COL25A1: variants seen among roughly 807,000 people sequenced by gnomAD.
COL25A1 encodes collagen alpha-1(XXV) chain.
In COL25A1, 103 loss-of-function variants were observed where a neutral mutation model predicts 128.4. The ratio of observed to expected loss-of-function variants is 0.80; its 90% CI spans 0.68 to 0.94. The LOEUF (loss-of-function observed/expected upper bound fraction) is 0.94, where lower values mean the gene tolerates loss of function less well. Among genes scored for constraint, COL25A1 ranks in the 40% least tolerant of loss-of-function variants. The pLI, the probability that COL25A1 is intolerant of heterozygous loss-of-function variation, is 0.00. For missense variants in COL25A1, 745 were observed against 840.0 expected, an observed-to-expected ratio of 0.89 and a Z score of 1.40; for synonymous variants, 279 against 277.2, an observed-to-expected ratio of 1.01 and a Z score of -0.06.
intron 5 of COL25A1, among the ~76,000 whole-genome samples, chr4:109,013,682 C>T (rs768840278): frequency 5.9e-5 from 9 of 151,660 alleles, no homozygotes; most frequent in South Asian, 2.1e-4. Flanking sequence ...CCAGACGCGC[C>T]ACCTTAAGAG....
At position 108,896,551 on chromosome 4, in the gene COL25A1, T is replaced by C. The variant is rs1742173555; in HGVS notation, c.906+116A>G. 19 of 795,908 alleles carry C rather than the reference T, an allele frequency of 2.4e-5. No homozygotes were observed. In the South Asian group the frequency reaches 2.8e-4, roughly 12 times the overall value. The allele number at this position is 795,908 out of a possible 1,614,324, so 49.3% of individuals were successfully genotyped here. On this transcript the variant is annotated intron_variant, in intron 16 of 37. Coordinates refer to ENST00000399132, the MANE Select transcript of COL25A1 (RefSeq NM_198721.4). ...TTTTCTAATCTTGGAGAATGATCTCTGACCTTTTCATATTAAGCAACTCTC... is the reference window on the plus strand; with the variant it reads ...TTTTCTAATCTTGGAGAATGATCTCCGACCTTTTCATATTAAGCAACTCTC...
intron 8 of COL25A1, among the ~76,000 whole-genome samples, chr4:108,948,967 C>T (rs765734311): frequency 1.3e-5 from 2 of 152,098 alleles, no homozygotes; most frequent in Non-Finnish European, 2.9e-5. Context: ...TAGGGGATTC[C>T]AGGCCTTGTT....
intron 6 of COL25A1, among the ~76,000 whole-genome samples, chr4:108,988,411 A>T (rs890341461): frequency 2.0e-5 from 3 of 152,240 alleles, no homozygotes; most frequent in African/African-American, 7.2e-5. Flanking sequence ...ATGAGTGCTT[A>T]TGAGGATAGA....
rs1753834213 is a variant in COL25A1 at position 108,988,218 on chromosome 4, C to T, written c.439-13659G>A. On this transcript the variant is annotated intron_variant, in intron 6 of 37. Coordinates refer to ENST00000399132, the MANE Select transcript of COL25A1 (RefSeq NM_198721.4). ...GCAGGTTTTTCTGTAAATATTACTT[C>T]CACTCCCTTTCTCTCAAATGTGTAG... 2.0e-5 allele frequency among the ~76,000 whole-genome samples: 3 copies of T among 152,196 alleles called. No homozygotes were observed. In the South Asian group the frequency reaches 6.2e-4, roughly 32 times the overall value.
At chr4:108,965,333 C>T (rs1293195492) in intron 8 of COL25A1, among the ~76,000 whole-genome samples, 4 of 152,094 alleles carry the variant, frequency 2.6e-5, no homozygotes, top group African/African-American at 9.7e-5. Flanking sequence ...ATGTCGAGAC[C>T]AATAACCACT....
At chr4:108,951,970 T>C (rs1337981895) in intron 8 of COL25A1, among the ~76,000 whole-genome samples, 1 of 152,166 alleles carries the variant, frequency 6.6e-6, no homozygotes, top group East Asian at 1.9e-4. Context: ...AAGAAGGGAT[T>C]GTGAGCCTAG....
intron 19 of COL25A1, among the ~76,000 whole-genome samples, chr4:108,883,008 C>G (rs990345935): frequency 5.3e-5 from 8 of 152,010 alleles, no homozygotes; most frequent in Non-Finnish European, 1.0e-4. Flanking sequence ...ACAGTATACA[C>G]AACTCTCAAA....
intron 36 of COL25A1, among the ~76,000 whole-genome samples, chr4:108,817,764 AAACAC>A (rs1731387598): frequency 6.6e-6 from 1 of 152,154 alleles, no homozygotes; most frequent in Non-Finnish European, 1.5e-5. Flanking sequence ...AATTCCATTA[AAACAC>A]ATCTCACTGG....
intron 5 of COL25A1, among the ~76,000 whole-genome samples, chr4:109,026,133 CACAT>C (rs1294753427): frequency 1.6e-4 from 24 of 151,462 alleles, no homozygotes; most frequent in South Asian, 1.5e-3. Context: ...CACACACACA[CACAT>C]ATACTCTTAA....
chr4:108,844,657 GC>G lies in COL25A1; in HGVS notation c.1579-89del, dbSNP rs1734872274. 4.6e-6 allele frequency: 7 copies of G among 1,513,276 alleles called. No homozygotes were observed. In the East Asian group the frequency reaches 1.4e-4, roughly 30 times the overall value. 93.7% of individuals were successfully genotyped at this position (1,513,276 alleles called of 1,614,324 possible). ...AATCTTGTGCTGGGGTTCTGCTAAG[GC>G]CATTAGTAGTTGGAGAGGAAGAAAG... On this transcript the variant is annotated intron_variant, in intron 29 of 37. Transcript: ENST00000399132.
At chr4:109,293,676 C>T (rs1317359563) in intron 3 of COL25A1, among the ~76,000 whole-genome samples, 2 of 152,120 alleles carry the variant, frequency 1.3e-5, no homozygotes, top group Admixed American at 6.5e-5. Context: ...GTATTCATGA[C>T]AAATAAGGTC....
At chr4:108,945,933 G>A (rs912843070) in intron 8 of COL25A1, among the ~76,000 whole-genome samples, 4 of 152,146 alleles carry the variant, frequency 2.6e-5, no homozygotes, top group South Asian at 2.1e-4. Context: ...CCAAAGTGCT[G>A]GGATTATAGG....
At chr4:109,254,169 G>A (rs1780881731) in intron 3 of COL25A1, among the ~76,000 whole-genome samples, 1 of 151,292 alleles carries the variant, frequency 6.6e-6, no homozygotes, top group Non-Finnish European at 1.5e-5. Context: ...TTGTGGTATA[G>A]ATAATTTTAT....
At chr4:108,867,537 T>C (rs4956218) in intron 20 of COL25A1, among the ~76,000 whole-genome samples, 83,480 of 152,060 alleles carry the variant, frequency 0.55, 24,168 homozygotes, top group East Asian at 0.99. Flanking sequence ...TTGCATAATC[T>C]GATGGAGTTT....
At chr4:108,844,443 G>A (rs1324518880) in intron 30 of COL25A1, 76 bp downstream of exon 30, 2 of 1,612,624 alleles carry the variant, frequency 1.2e-6, no homozygotes, top group Non-Finnish European at 1.7e-6. Context: ...TGGCTGTTTA[G>A]AGGGATGTGT....
At chr4:108,939,437 T>C (rs556932906) in intron 10 of COL25A1, among the ~76,000 whole-genome samples, 1 of 152,312 alleles carries the variant, frequency 6.6e-6, no homozygotes, top group Admixed American at 6.5e-5. Flanking sequence ...TATGGGCTTA[T>C]GAGGCTGTCT....
At chr4:108,843,980 C>T (rs1344059979) in intron 30 of COL25A1, among the ~76,000 whole-genome samples, 1 of 152,110 alleles carries the variant, frequency 6.6e-6, no homozygotes, top group Non-Finnish European at 1.5e-5. Flanking sequence ...TCACTGCAAC[C>T]TCAGCCTCCC....
At chr4:109,253,890 A>G (rs528648494) in intron 3 of COL25A1, among the ~76,000 whole-genome samples, 5 of 152,288 alleles carry the variant, frequency 3.3e-5, no homozygotes, top group South Asian at 2.1e-4. Context: ...GATTGAGACC[A>G]TCCTGGCTAA....
intron 3 of COL25A1, among the ~76,000 whole-genome samples, chr4:109,082,075 T>C (rs28751058): frequency 0.12 from 18,735 of 152,180 alleles, 1,690 homozygotes; most frequent in East Asian, 0.29. Flanking sequence ...TCATATACTA[T>C]GTGGTCTTTT....
Sources: gnomAD v4.1 joint callset for allele counts (sites outside exome capture counted in the v4.1 genomes callset) on GRCh38, gnomAD v4.1.1 for gene constraint, MANE v1.5 for transcripts, NCBI Gene and HGNC (gene_info 2026-07-23, HGNC 2026-07-21) for gene names.